Variants in SYNE2 observed in about 807,000 individuals in gnomAD.
SYNE2 encodes nesprin-2.
SYNE2 carries 431 observed loss-of-function variants against 856.3 expected under a neutral mutation model. The observed-to-expected ratio is 0.50, with a 90% CI of 0.47 to 0.55. SYNE2 has a LOEUF of 0.55. Ranked by LOEUF, SYNE2 falls within the 20% of genes least tolerant of loss-of-function variation. The pLI is 0.00. For synonymous variants in SYNE2, 2,923 were observed against 2,872.3 expected (o/e 1.02, Z -0.56); for missense variants, 8,129 against 8,023.2 (o/e 1.01, Z -0.50).
At chr14:64,085,755 A>C (rs1026669786) in intron 57 of SYNE2, among the ~76,000 whole-genome samples, 1 of 152,180 alleles carries the variant, frequency 6.6e-6, no homozygotes, top group Non-Finnish European at 1.5e-5. Flanking sequence ...GGTTTTCTCT[A>C]ATGACTAATA....
At chr14:63,975,157 A>T (rs754363149) in intron 11 of SYNE2, among the ~76,000 whole-genome samples, 3 of 151,628 alleles carry the variant, frequency 2.0e-5, no homozygotes, top group African/African-American at 2.4e-5. Context: ...TACACGACAC[A>T]TGGAGCTGGG....
chr14:63,882,665 C>T (rs1012684864), intron 1 of SYNE2, among the ~76,000 whole-genome samples: 11 of 152,118 alleles, frequency 7.2e-5, no homozygotes. Context: ...ATGATGGTGC[C>T]ACTGCACTCC....
At chr14:64,167,025 C>G (rs879226506) in intron 90 of SYNE2, 2 of 605,368 alleles carry the variant, frequency 3.3e-6, no homozygotes, top group Admixed American at 5.8e-5. Context: ...GGGTGCTGGC[C>G]GTGTTGCAGG....
At chr14:63,899,900 A>T (rs1167949991) in intron 1 of SYNE2, among the ~76,000 whole-genome samples, 1 of 152,240 alleles carries the variant, frequency 6.6e-6, no homozygotes, top group East Asian at 1.9e-4. Flanking sequence ...AGATTATAAT[A>T]AATACCATTT....
chr14:63,835,841 G>T (rs1010369709), intron 1 of SYNE2, among the ~76,000 whole-genome samples: 12 of 151,962 alleles, frequency 7.9e-5, no homozygotes, highest in African/African-American at 1.9e-4. Flanking sequence ...AAATTAGCTG[G>T]GCATGGTGGC....
intron 99 of SYNE2, chr14:64,196,699 TTCTC>T (rs965409079): frequency 6.6e-5 from 10 of 152,228 alleles, no homozygotes; most frequent in Non-Finnish European, 1.0e-4. Context: ...TAAATGTTTC[TTCTC>T]TCTGTTTATA....
chr14:63,923,764 T>C (rs760538265), intron 2 of SYNE2, among the ~76,000 whole-genome samples: 4 of 152,148 alleles, frequency 2.6e-5, no homozygotes, highest in Non-Finnish European at 5.9e-5. Context: ...GTTTTCAGTA[T>C]ACTCACAGAG....
intron 78 of SYNE2, among the ~76,000 whole-genome samples, chr14:64,136,232 G>T (rs2098087111): frequency 6.8e-6 from 1 of 147,310 alleles, no homozygotes; most frequent in African/African-American, 2.6e-5. Context: ...GGAGGCTGCA[G>T]TGAGCTGAGA....
At chr14:63,940,574 G>C in intron 2 of SYNE2, 40 bp from the exon 3 acceptor site, 1 of 1,601,258 alleles carries the variant, frequency 6.2e-7, no homozygotes, top group Non-Finnish European at 8.6e-7. Flanking sequence ...GGTTTCTGAG[G>C]CTTCTGGTTT....
intron 73 of SYNE2, among the ~76,000 whole-genome samples, chr14:64,128,074 A>T (rs1352150017): frequency 6.6e-6 from 1 of 152,230 alleles, no homozygotes; most frequent in Non-Finnish European, 1.5e-5. Context: ...TTCTGTCTGG[A>T]TAGTTAAATC....
At chr14:64,205,644 CCTTT>C (rs1401955209) in intron 100 of SYNE2, among the ~76,000 whole-genome samples, 26 of 152,102 alleles carry the variant, frequency 1.7e-4, no homozygotes, top group Admixed American at 1.7e-3. Flanking sequence ...CTATAGGAGT[CCTTT>C]CTGTTTCACC....
chr14:64,161,172 C>G (rs1311554165), intron 87 of SYNE2, among the ~76,000 whole-genome samples: 1 of 151,866 alleles, frequency 6.6e-6, no homozygotes, highest in Non-Finnish European at 1.5e-5. Flanking sequence ...GGTGAAACCC[C>G]ATCTCTACAA....
In SYNE2 at chr14:64,017,589, T is replaced by A. The variant is rs755298166; in HGVS notation, c.4888-6T>A. The A allele has an allele frequency of 1.2e-6, 2 of 1,607,310 alleles. No homozygotes were observed. The highest frequency in any genetic ancestry group is 8.5e-7 in the Non-Finnish European group (1 of 1,174,984). The stretch of plus-strand genomic sequence containing the variant: ...ATATGTTGTTTCTCTTTTTAAATTA[T>A]GGTAGATAAATGAGAAGACAGAAGA... On this transcript the variant is annotated splice_region_variant and splice_polypyrimidine_tract_variant and intron_variant, in intron 33 of 115. Transcript: ENST00000555002.
At chr14:64,081,781 A>G (rs1046737013) in intron 57 of SYNE2, among the ~76,000 whole-genome samples, 2 of 152,146 alleles carry the variant, frequency 1.3e-5, no homozygotes, top group African/African-American at 2.4e-5. Flanking sequence ...TACTGTCCTG[A>G]TAACTACTTT....
intron 1 of SYNE2, among the ~76,000 whole-genome samples, chr14:63,856,458 A>G (rs1050397621): frequency 2.0e-5 from 3 of 152,228 alleles, no homozygotes; most frequent in African/African-American, 7.2e-5. Context: ...CTATTGCAGT[A>G]TACACATGTG....
At chr14:64,094,343 A>T (rs1333793057) in intron 61 of SYNE2, among the ~76,000 whole-genome samples, 1 of 151,774 alleles carries the variant, frequency 6.6e-6, no homozygotes, top group South Asian at 2.1e-4. Flanking sequence ...CAAAAAAATT[A>T]AAAAAAATAA....
chr14:64,087,279 C>T (rs2097570801), intron 57 of SYNE2: 1 of 350,584 alleles, frequency 2.9e-6, no homozygotes, highest in South Asian at 2.6e-5. Flanking sequence ...TATGGAATTA[C>T]CTGAAGAGTA....
chr14:64,080,081 GTA>G (rs1172204985), intron 55 of SYNE2, among the ~76,000 whole-genome samples: 2 of 152,112 alleles, frequency 1.3e-5, no homozygotes, highest in Non-Finnish European at 2.9e-5. Flanking sequence ...GCGTGTGTGT[GTA>G]TGAACTAGTG....
At chr14:63,806,343 G>A (rs1028529981) in intron 1 of SYNE2, among the ~76,000 whole-genome samples, 10 of 152,166 alleles carry the variant, frequency 6.6e-5, no homozygotes, top group Non-Finnish European at 2.9e-5. Context: ...CTTGATTATG[G>A]TGGATTAACT....
Sources: allele counts gnomAD v4.1 joint callset (sites outside exome capture counted in the v4.1 genomes callset), GRCh38; gene constraint gnomAD v4.1.1; transcripts MANE v1.5; gene names NCBI Gene and HGNC (gene_info 2026-07-23, HGNC 2026-07-21).